ST3GAL3: variants seen among roughly 807,000 people sequenced by gnomAD.
The protein encoded by ST3GAL3 is ST3 beta-galactoside alpha-2,3-sialyltransferase 3.
A neutral mutation model predicts 50.1 loss-of-function variants in ST3GAL3; 21 were observed. That is an observed-to-expected ratio of 0.42 (90% confidence interval 0.30 to 0.60). ST3GAL3 has a LOEUF of 0.60. Ranked by LOEUF, ST3GAL3 falls within the 20% of genes least tolerant of loss-of-function variation. The pLI is 0.19. For synonymous variants in ST3GAL3, 183 were observed against 190.0 expected (o/e 0.96, Z 0.30); for missense variants, 353 against 489.4 (o/e 0.72, Z 2.63).
chr1:43,853,351 A>T (rs1466371202), intron 5 of ST3GAL3, among the ~76,000 whole-genome samples: 1 of 152,180 alleles, frequency 6.6e-6, no homozygotes, highest in Non-Finnish European at 1.5e-5. Context: ...AGATTTTTTC[A>T]TATTTTTTCT....
chr1:43,879,146 C>G (rs759083612), intron 5 of ST3GAL3: 3 of 447,764 alleles, frequency 6.7e-6, no homozygotes, highest in Non-Finnish European at 1.3e-5. Context: ...TGAATGAAAA[C>G]ATAGAACCAG....
intron 2 of ST3GAL3, among the ~76,000 whole-genome samples, chr1:43,753,948 C>CT (rs1319368799): frequency 1.3e-5 from 2 of 152,180 alleles, no homozygotes; most frequent in Non-Finnish European, 2.9e-5. Flanking sequence ...AACTTACTGT[C>CT]TCCTCTCTCT....
chr1:43,712,229 A>G (rs1391844336), intron 1 of ST3GAL3, among the ~76,000 whole-genome samples: 1 of 152,240 alleles, frequency 6.6e-6, no homozygotes, highest in Non-Finnish European at 1.5e-5. Flanking sequence ...CAGTGCTTCT[A>G]ACCAGCTGCA....
chr1:43,774,135 G>GA, intron 2 of ST3GAL3, among the ~76,000 whole-genome samples: 1 of 152,054 alleles, frequency 6.6e-6, no homozygotes, highest in East Asian at 1.9e-4. Context: ...ATATATAAGG[G>GA]AAAAAGACAT....
intron 5 of ST3GAL3, among the ~76,000 whole-genome samples, chr1:43,866,189 A>G (rs1271934362): frequency 6.6e-6 from 1 of 152,194 alleles, no homozygotes; most frequent in Non-Finnish European, 1.5e-5. Context: ...TTTCTTCCCT[A>G]CTGTAAGCCT....
At chr1:43,922,854 C>A (rs1298041647) in intron 11 of ST3GAL3, among the ~76,000 whole-genome samples, 1 of 148,136 alleles carries the variant, frequency 6.8e-6, no homozygotes, top group African/African-American at 2.5e-5. Context: ...GTAATCCCAG[C>A]ACTTTGGGAG....
chr1:43,756,363 T>C (rs1688115824), intron 2 of ST3GAL3, among the ~76,000 whole-genome samples: 1 of 152,072 alleles, frequency 6.6e-6, no homozygotes, highest in Non-Finnish European at 1.5e-5. Context: ...TTGGGATCAG[T>C]GGAAATGTCC....
At chr1:43,857,573 TTCCTTCCTCCCTC>T (rs1290920887) in intron 5 of ST3GAL3, among the ~76,000 whole-genome samples, 7 of 68,254 alleles carry the variant, frequency 1.0e-4, no homozygotes, top group East Asian at 1.0e-3. Flanking sequence ...CCTTCTTTCT[TTCCTTCCTCCCTC>T]CCTTCCTTCC....
chr1:43,819,044 G>A (rs1389895606), intron 4 of ST3GAL3: 1 of 152,200 alleles, frequency 6.6e-6, no homozygotes, highest in African/African-American at 2.4e-5. Flanking sequence ...AGATGAATGA[G>A]TATGGCTGTA....
At chr1:43,860,781 G>C (rs2069718344) in intron 5 of ST3GAL3, among the ~76,000 whole-genome samples, 1 of 152,188 alleles carries the variant, frequency 6.6e-6, no homozygotes, top group Non-Finnish European at 1.5e-5. Context: ...TAGGCTATGT[G>C]GGTTACAGTC....
At chr1:43,844,511 G>A (rs1191145657) in intron 5 of ST3GAL3, among the ~76,000 whole-genome samples, 1 of 152,180 alleles carries the variant, frequency 6.6e-6, no homozygotes, top group Non-Finnish European at 1.5e-5. Flanking sequence ...TAGGGTCAGA[G>A]ACTAGACTAA....
intron 5 of ST3GAL3, among the ~76,000 whole-genome samples, chr1:43,861,027 C>T (rs2069794525): frequency 6.6e-6 from 1 of 152,198 alleles, no homozygotes; most frequent in Non-Finnish European, 1.5e-5. Context: ...GTGGCTTGAC[C>T]TTGTGTGCCT....
intron 2 of ST3GAL3, among the ~76,000 whole-genome samples, chr1:43,742,228 C>A (rs1029632): frequency 0.35 from 52,927 of 151,904 alleles, 10,005 homozygotes; most frequent in African/African-American, 0.5. Context: ...TTTGTTAACA[C>A]CCCTGGCGTC....
At chr1:43,857,564 CTTCTTTCT>C (rs1250299922) in intron 5 of ST3GAL3, among the ~76,000 whole-genome samples, 14 of 67,926 alleles carry the variant, frequency 2.1e-4, no homozygotes, top group South Asian at 6.6e-4. Context: ...CCTTTCCTTC[CTTCTTTCT>C]TTCCTTCCTC....
intron 11 of ST3GAL3, chr1:43,929,901 G>A: frequency 1.5e-6 from 1 of 645,214 alleles, no homozygotes; most frequent in Non-Finnish European, 2.9e-6. Flanking sequence ...GACGAGGAAA[G>A]GGGTATGAAG....
chr1:43,801,387 A>C (rs949381003), intron 3 of ST3GAL3: 3 of 456,078 alleles, frequency 6.6e-6, no homozygotes, highest in African/African-American at 6.0e-5. Flanking sequence ...CATCATGTAC[A>C]ACCGTATTCC....
intron 5 of ST3GAL3, among the ~76,000 whole-genome samples, chr1:43,847,058 C>CT (rs1234408036): frequency 6.6e-6 from 1 of 152,264 alleles, no homozygotes; most frequent in African/African-American, 2.4e-5. Context: ...CTCAATGTTA[C>CT]TAATCACTAG....
rs539239679 is a variant in ST3GAL3, at chr1:43,804,658, A to C, written c.167-10233A>C. On this transcript the variant is annotated intron_variant, in intron 3 of 11. Coordinates refer to ENST00000347631, the MANE Select transcript of ST3GAL3 (RefSeq NM_006279.5). ...CAAAACTCAGAAAATAGAAGGTGTG[A>C]AGGGCATTAAATAAACAGTGTGGCA... is the stretch of plus-strand genomic sequence containing the variant. 3.3e-5 allele frequency among the ~76,000 whole-genome samples: 5 copies of C among 152,320 alleles called. No individual in the cohort carries two copies. In the South Asian group the frequency reaches 6.2e-4, roughly 19 times the overall value.
chr1:43,777,766 T>C (rs1406479887), intron 2 of ST3GAL3, among the ~76,000 whole-genome samples: 1 of 152,150 alleles, frequency 6.6e-6, no homozygotes, highest in African/African-American at 2.4e-5. Context: ...TGGGATCTAA[T>C]TAAACTAAAG....
Sources: allele counts gnomAD v4.1 joint callset (sites outside exome capture counted in the v4.1 genomes callset), GRCh38; gene constraint gnomAD v4.1.1; transcripts MANE v1.5; gene names NCBI Gene and HGNC (gene_info 2026-07-23, HGNC 2026-07-21).